The following ENOX2 variants were observed in gnomAD, a reference collection of about 807,000 sequenced individuals.
ENOX2 encodes the protein APK1 antigen.
Under a neutral mutation model 45.0 loss-of-function variants are expected in ENOX2, and 36 were observed. The ratio of observed to expected loss-of-function variants is 0.80; its 90% confidence interval spans 0.61 to 1.06. The LOEUF (loss-of-function observed/expected upper bound fraction) is 1.06, where lower values mean the gene tolerates loss of function less well. Among genes scored for constraint, ENOX2 ranks in the 50% least tolerant of loss-of-function variants. The pLI is 0.00. For missense variants in ENOX2, 423 were observed against 462.5 expected, an observed-to-expected ratio of 0.91 and a Z score of 0.78; for synonymous variants, 174 against 152.3, an observed-to-expected ratio of 1.14 and a Z score of -1.05.
chrX:130,643,025 T>C (rs781296584), intron 10 of ENOX2, among the ~76,000 whole-genome samples: 1 of 111,380 alleles, frequency 9.0e-6, no homozygotes, highest in African/African-American at 3.3e-5. Context: ...GTTAAATAAA[T>C]GACAGCAATG....
At chrX:130,690,761 G>A (rs1364694858) in intron 4 of ENOX2, among the ~76,000 whole-genome samples, 4 of 110,803 alleles carry the variant, frequency 3.6e-5, no homozygotes, top group Non-Finnish European at 7.6e-5. Flanking sequence ...TCCCACAGAA[G>A]CAGAACCTCA....
At chrX:130,786,420 T>C (rs948521669) in intron 2 of ENOX2, among the ~76,000 whole-genome samples, 6 of 108,876 alleles carry the variant, frequency 5.5e-5, no homozygotes, top group Non-Finnish European at 1.1e-4. Context: ...ATTATTATTA[T>C]ACTTTAAGTT....
chrX:130,639,645 T>C (rs968349260), intron 10 of ENOX2, among the ~76,000 whole-genome samples: 2 of 111,824 alleles, frequency 1.8e-5, no homozygotes, highest in Admixed American at 1.9e-4. Flanking sequence ...ACTGGGATTT[T>C]TTTTTAAAAA....
chrX:130,788,600 T>C lies in ENOX2; in HGVS notation c.-182-4910A>G, dbSNP rs140717993. ...ACCTAAAATGAAGACATAGGATGTA[T>C]AACTTTTAAAAGTTTCTACTGATAA... On this transcript the variant is annotated intron_variant, in intron 2 of 14. Coordinates refer to ENST00000394363, the MANE Select transcript of ENOX2 (RefSeq NM_006375.4). 8.7e-4 allele frequency among the ~76,000 whole-genome samples: 98 copies of C among 112,069 alleles called. 1 individual carries two copies. The highest frequency in any genetic ancestry group is 2.9e-3 in the African/African-American group (91 of 30,883).
chrX:130,692,362 C>A (rs1409857925), intron 4 of ENOX2, among the ~76,000 whole-genome samples: 3 of 113,043 alleles, frequency 2.7e-5, no homozygotes, highest in Non-Finnish European at 5.6e-5. Context: ...GTACCATTGC[C>A]ACTTATATTA....
chrX:130,877,604 C>T (rs774644801), intron 2 of ENOX2, among the ~76,000 whole-genome samples: 2 of 112,030 alleles, frequency 1.8e-5, no homozygotes, highest in African/African-American at 3.2e-5. Context: ...ATAACTTTAA[C>T]TTGGGATCAT....
chrX:130,902,428 T>C (rs909567261), intron 1 of ENOX2, among the ~76,000 whole-genome samples: 1 of 110,261 alleles, frequency 9.1e-6, no homozygotes, highest in African/African-American at 3.3e-5. Flanking sequence ...CTTCTAGAAA[T>C]TGAGGGGAAA....
chrX:130,670,264 G>C (rs2036950232), intron 6 of ENOX2, 66 bp from the exon 7 acceptor site: 5 of 717,309 alleles, frequency 7.0e-6, no homozygotes, highest in South Asian at 2.4e-5. Context: ...GAGGGAGAGA[G>C]AGACAGAGAC....
chrX:130,736,480 A>G (rs1204196790), intron 3 of ENOX2, among the ~76,000 whole-genome samples: 1 of 112,317 alleles, frequency 8.9e-6, no homozygotes, highest in Admixed American at 9.4e-5. Flanking sequence ...AGAGAAGAGG[A>G]TGGCAAACTT....
chrX:130,834,109 C>T (rs183202333), intron 2 of ENOX2, among the ~76,000 whole-genome samples: 1 of 111,819 alleles, frequency 8.9e-6, no homozygotes, highest in East Asian at 2.8e-4. Context: ...ACAATCCCTT[C>T]TTGTTCCTCC....
chrX:130,881,483 G>C (rs1238932155), intron 2 of ENOX2, among the ~76,000 whole-genome samples: 2 of 112,435 alleles, frequency 1.8e-5, no homozygotes, highest in Non-Finnish European at 3.8e-5. Flanking sequence ...GAGTGATTCA[G>C]TAGGTCTGGG....
chrX:130,859,058 T>C (rs184339659), intron 2 of ENOX2, among the ~76,000 whole-genome samples: 12 of 112,670 alleles, frequency 1.1e-4, no homozygotes, highest in Non-Finnish European at 1.9e-5. Context: ...CTGGGCACGG[T>C]GGCTCACGCC....
chrX:130,835,995 C>T (rs1445247789), intron 2 of ENOX2, among the ~76,000 whole-genome samples: 1 of 112,389 alleles, frequency 8.9e-6, no homozygotes, highest in Non-Finnish European at 1.9e-5. Context: ...AGTCTTTGAA[C>T]TCTCCTTCAC....
chrX:130,872,320 C>T (rs2078610582), intron 2 of ENOX2, among the ~76,000 whole-genome samples: 1 of 112,348 alleles, frequency 8.9e-6, no homozygotes, highest in Non-Finnish European at 1.9e-5. Context: ...TTTTATTTAT[C>T]TCAGTGATTT....
chrX:130,820,346 T>C (rs1423068529), intron 2 of ENOX2, among the ~76,000 whole-genome samples: 1 of 112,175 alleles, frequency 8.9e-6, no homozygotes, highest in African/African-American at 3.2e-5. Context: ...AAGGGAGTGC[T>C]TGCACATTGT....
At chrX:130,664,353 G>C (rs1464703053) in intron 9 of ENOX2, among the ~76,000 whole-genome samples, 1 of 112,306 alleles carries the variant, frequency 8.9e-6, no homozygotes, top group East Asian at 2.8e-4. Context: ...TAAATAACTA[G>C]CTCGAGACCA....
chrX:130,658,505 T>C (rs1318318167), intron 9 of ENOX2, among the ~76,000 whole-genome samples: 1 of 111,794 alleles, frequency 8.9e-6, no homozygotes, highest in Non-Finnish European at 1.9e-5. Flanking sequence ...TGAAATTTGA[T>C]GAAAGACATT....
chrX:130,897,784 C>A (rs1569339443), intron 2 of ENOX2, among the ~76,000 whole-genome samples: 1 of 112,066 alleles, frequency 8.9e-6, no homozygotes, highest in Non-Finnish European at 1.9e-5. Context: ...CTGGATATTA[C>A]TCTGAAGACA....
chrX:130,770,061 T>C (rs977177886), intron 3 of ENOX2, among the ~76,000 whole-genome samples: 7 of 111,824 alleles, frequency 6.3e-5, no homozygotes, highest in Admixed American at 1.9e-4. Flanking sequence ...GCCTAAGCTA[T>C]CTGAATGTCA....
Sources: allele counts gnomAD v4.1 joint callset (sites outside exome capture counted in the v4.1 genomes callset), GRCh38; gene constraint gnomAD v4.1.1; transcripts MANE v1.5; gene names NCBI Gene and HGNC (gene_info 2026-07-23, HGNC 2026-07-21).